Variants in PAX3 observed in about 807,000 individuals in gnomAD.
PAX3 encodes the protein paired box protein Pax-3.
Under a neutral mutation model 51.6 loss-of-function variants are expected in PAX3, and 14 were observed. The observed-to-expected ratio is 0.27, with a 90% confidence interval of 0.18 to 0.42. The LOEUF (loss-of-function observed/expected upper bound fraction) is 0.42. PAX3 is among the 10% of genes least tolerant of loss of function. The probability of loss-of-function intolerance (pLI) is 1.00; values close to 1 mark genes in which losing one functional copy is unlikely to be tolerated. For synonymous variants in PAX3, 280 were observed against 253.4 expected (o/e 1.11, Z -1.00); for missense variants, 540 against 642.8 (o/e 0.84, Z 1.73).
chr2:222,202,876 ATTCATC>A (rs1234976110), intron 7 of PAX3, among the ~76,000 whole-genome samples: 2 of 151,356 alleles, frequency 1.3e-5, no homozygotes, highest in Non-Finnish European at 2.9e-5. Context: ...GGAGCAATCT[ATTCATC>A]TTTATATCCC....
chr2:222,230,261 A>G (rs559042941), intron 5 of PAX3, among the ~76,000 whole-genome samples: 3 of 152,118 alleles, frequency 2.0e-5, no homozygotes, highest in South Asian at 2.1e-4. Context: ...TGTCCTTTGC[A>G]GGGACATGGA....
intron 1 of PAX3, 147 bp from the exon 2 acceptor site, chr2:222,297,360 AC>A: frequency 1.4e-6 from 1 of 702,862 alleles, no homozygotes; most frequent in Admixed American, 2.1e-5. Context: ...GGACTCCCAG[AC>A]CCAGACCTCC....
At chr2:222,291,801 A>C (rs962560559) in intron 4 of PAX3, among the ~76,000 whole-genome samples, 3 of 152,188 alleles carry the variant, frequency 2.0e-5, no homozygotes. Context: ...CCCGAACAAC[A>C]GAAAGGAGTT....
At chr2:222,277,429 C>T (rs565878326) in intron 4 of PAX3, among the ~76,000 whole-genome samples, 160 of 152,274 alleles carry the variant, frequency 1.1e-3, no homozygotes, top group Middle Eastern at 6.8e-3. Context: ...GGAACCCCTC[C>T]TGGGGAGACG....
intron 4 of PAX3, among the ~76,000 whole-genome samples, chr2:222,267,387 A>G (rs761914666): frequency 6.6e-6 from 1 of 152,218 alleles, no homozygotes; most frequent in Non-Finnish European, 1.5e-5. Context: ...ACACTTCCTA[A>G]TCTTTCCAGA....
At chr2:222,217,395 C>T (rs964024570) in intron 7 of PAX3, among the ~76,000 whole-genome samples, 2 of 152,024 alleles carry the variant, frequency 1.3e-5, no homozygotes, top group Non-Finnish European at 2.9e-5. Context: ...AACCTGTTTT[C>T]TCTTCATTCA....
intron 5 of PAX3, among the ~76,000 whole-genome samples, chr2:222,225,947 G>A (rs141944891): frequency 6.5e-4 from 99 of 152,196 alleles, no homozygotes; most frequent in African/African-American, 2.1e-3. Flanking sequence ...ATTGAAAGCC[G>A]GTTTGACTTG....
chr2:222,294,063 C>A (rs1559316204), intron 4 of PAX3, 104 bp downstream of exon 4: 3 of 1,585,286 alleles, frequency 1.9e-6, no homozygotes, highest in Middle Eastern at 1.7e-4. Context: ...CATGAAGGGA[C>A]CTTGATCCGA....
intron 4 of PAX3, chr2:222,264,490 G>A (rs1201958634): frequency 6.6e-6 from 1 of 152,164 alleles, no homozygotes; most frequent in Non-Finnish European, 1.5e-5. Flanking sequence ...AATATGTTGT[G>A]AAAATACCAA....
intron 4 of PAX3, among the ~76,000 whole-genome samples, chr2:222,276,322 T>C (rs1694419892): frequency 6.6e-6 from 1 of 152,238 alleles, no homozygotes. Flanking sequence ...CCTGTGATAC[T>C]GCACAGAAAT....
intron 2 of PAX3, among the ~76,000 whole-genome samples, chr2:222,296,729 T>C (rs1022144392): frequency 6.6e-6 from 1 of 152,220 alleles, no homozygotes; most frequent in Non-Finnish European, 1.5e-5. Flanking sequence ...TTGCAAGGCT[T>C]ATGGGCTTTA....
At chr2:222,218,896 T>TAGGCAA (rs1692075442) in intron 7 of PAX3, among the ~76,000 whole-genome samples, 2 of 152,220 alleles carry the variant, frequency 1.3e-5, no homozygotes, top group African/African-American at 4.8e-5. Flanking sequence ...CTTTTGCCTT[T>TAGGCAA]AGGCGGAAAT....
chr2:222,230,663 T>G (rs1365216560), intron 5 of PAX3, among the ~76,000 whole-genome samples: 1 of 152,056 alleles, frequency 6.6e-6, no homozygotes, highest in Non-Finnish European at 1.5e-5. Flanking sequence ...GAGACCAGCC[T>G]GACCAACATG....
In PAX3 at chr2:222,294,052, G is replaced by C. The variant is rs187575690; in HGVS notation, c.586+115C>G. ...CGTTACTCAGGCGCAGAGACACCGC[G>C]CATGAAGGGACCTTGATCCGAGCTG... On this transcript the variant is annotated intron_variant, in intron 4 of 8. Transcript: ENST00000392070. 294 of 1,573,786 alleles carry C rather than the reference G, an allele frequency of 1.9e-4. 2 individuals carry two copies. The Admixed American group carries it at 5.1e-3, about 27-fold the overall frequency.
At chr2:222,238,847 T>C (rs981954014) in intron 4 of PAX3, among the ~76,000 whole-genome samples, 1 of 152,210 alleles carries the variant, frequency 6.6e-6, no homozygotes, top group African/African-American at 2.4e-5. Context: ...CACAAGTATA[T>C]TCCAGAAGGT....
Position 222,298,827 on chromosome 2 carries a change from C to G in PAX3, c.-212G>C, listed in dbSNP as rs972659079. On this transcript the variant is annotated 5_prime_UTR_variant, in exon 1 of 9. Coordinates refer to ENST00000392070, the MANE Select transcript of PAX3 (RefSeq NM_181458.4). The stretch of plus-strand genomic sequence containing the variant: ...CGGGAAAGGGGAGGACGGGGAGGCC[C>G]CGGAGTCCAGGATCCCGAGCCCAGG... 10 of 608,812 alleles carry G rather than the reference C, an allele frequency of 1.6e-5. No homozygotes were observed. Among genetic ancestry groups the G allele is most frequent in the African/African-American group, 1.1e-4 (6 of 54,220 alleles). The allele number at this position is 608,812 out of a possible 1,614,324, so 37.7% of individuals were successfully genotyped here.
At chr2:222,280,768 C>G (rs530050622) in intron 4 of PAX3, among the ~76,000 whole-genome samples, 2 of 152,176 alleles carry the variant, frequency 1.3e-5, no homozygotes, top group Admixed American at 6.5e-5. Context: ...GTAGAACAGG[C>G]CTTGAGTTCC....
chr2:222,298,994 A>C lies in PAX3; in HGVS notation c.-379T>G. On this transcript the variant is annotated 5_prime_UTR_variant, in exon 1 of 9. Transcript: ENST00000392070. ...TGAGTCTCCTCCTGTGGTGACACCG[A>C]GTGCGGGGATCCGGGCTCGGGAGCA... is the stretch of plus-strand genomic sequence containing the variant. 8.0e-6 allele frequency: 3 copies of C among 375,004 alleles called. No homozygotes were observed. The South Asian group carries it at 1.1e-4, about 14-fold the overall frequency. The allele number at this position is 375,004 out of a possible 1,614,324, so 23.2% of individuals were successfully genotyped here.
intron 4 of PAX3, among the ~76,000 whole-genome samples, chr2:222,252,133 TAA>T (rs1170541236): frequency 6.6e-6 from 1 of 152,188 alleles, no homozygotes; most frequent in East Asian, 1.9e-4. Context: ...TTAGTGTTGA[TAA>T]AGTCTATTAG....
Sources: allele counts gnomAD v4.1 joint callset (sites outside exome capture counted in the v4.1 genomes callset), GRCh38; gene constraint gnomAD v4.1.1; transcripts MANE v1.5; gene names NCBI Gene and HGNC (gene_info 2026-07-23, HGNC 2026-07-21).